Variants in PLCE1 observed in about 807,000 individuals in gnomAD.
PLCE1 encodes the protein 1-phosphatidylinositol 4,5-bisphosphate phosphodiesterase epsilon-1.
PLCE1 carries 119 observed loss-of-function variants against 242.8 expected under a neutral mutation model. The ratio of observed to expected loss-of-function variants is 0.49; its 90% confidence interval spans 0.42 to 0.57. The LOEUF (loss-of-function observed/expected upper bound fraction) is 0.57, where lower values mean the gene tolerates loss of function less well. Ranked by LOEUF, PLCE1 falls within the 20% of genes least tolerant of loss-of-function variation. PLCE1 has a pLI of 0.00. For synonymous variants in PLCE1, 945 were observed against 1,017.4 expected (o/e 0.93, Z 1.35); for missense variants, 2,441 against 2,788.8 (o/e 0.88, Z 2.81).
At chr10:94,160,911 A>G (rs1397955159) in intron 3 of PLCE1, among the ~76,000 whole-genome samples, 1 of 152,168 alleles carries the variant, frequency 6.6e-6, no homozygotes, top group Admixed American at 6.5e-5. Context: ...AAGATCAGAT[A>G]GTTGTAGCTA....
chr10:94,317,733 CT>C (rs1343497403), intron 29 of PLCE1, among the ~76,000 whole-genome samples: 8 of 152,212 alleles, frequency 5.3e-5, no homozygotes, highest in African/African-American at 1.4e-4. Context: ...TGATGAAGCA[CT>C]TTTTTTTTTC....
chr10:94,222,685 C>G (rs4481954), intron 4 of PLCE1, among the ~76,000 whole-genome samples: 55,562 of 152,078 alleles, frequency 0.37, 10,387 homozygotes, highest in East Asian at 0.62. Context: ...GGCCTTCCCA[C>G]CTTCTCTTCC....
At chr10:94,248,532 G>A (rs1473928347) in intron 8 of PLCE1, among the ~76,000 whole-genome samples, 1 of 152,182 alleles carries the variant, frequency 6.6e-6, no homozygotes, top group African/African-American at 2.4e-5. Flanking sequence ...GGAGGTTGCA[G>A]TGAGCCAAGA....
chr10:94,234,885 A>G (rs2137307157), intron 6 of PLCE1, among the ~76,000 whole-genome samples: 1 of 152,292 alleles, frequency 6.6e-6, no homozygotes, highest in Non-Finnish European at 1.5e-5. Context: ...ATTGGAGAGA[A>G]GGGGAGTTGA....
At position 94,279,865 on chromosome 10, in the gene PLCE1, A is replaced by G. The variant is rs1387842331; in HGVS notation, c.4749A>G (p.Glu1583=). Residue 1583 remains glutamate (E), a synonymous_variant, in exon 20 of 33, where the codon GAA becomes GAG. Transcript: ENST00000371380. ...GACCTGCCAATAATGAGGAAGAGGA[A>G]GATGAGGAGGACGAATATGATTATG... is the stretch of plus-strand genomic sequence containing the variant. The part of the protein sequence containing the change: ...NPRPANNEEE[E]DEEDEYDYDY... 1.2e-6 allele frequency: 2 copies of G among 1,613,734 alleles called. No homozygotes were observed. The highest frequency in any genetic ancestry group is 1.7e-6 in the Non-Finnish European group (2 of 1,179,662).
rs2047128204 is a variant in PLCE1 at position 94,146,852 on chromosome 10, AT to A, written c.1492+14397del. 3.9e-5 allele frequency among the ~76,000 whole-genome samples: 6 copies of A among 152,284 alleles called. No individual in the cohort carries two copies. In the South Asian group the frequency reaches 1.2e-3, roughly 32 times the overall value. Reference sequence around the variant, plus strand: ...GAACCTGTAATGTGTACCATACTATATTTTCCCTGCTAATGGTATAGTAAAG... The same window carrying A: ...GAACCTGTAATGTGTACCATACTATATTTCCCTGCTAATGGTATAGTAAAG... On this transcript the variant is annotated intron_variant, in intron 3 of 32. Transcript: ENST00000371380.
chr10:94,089,411 G>A (rs774729175), intron 2 of PLCE1: 15 of 1,502,988 alleles, frequency 1.0e-5, no homozygotes, highest in Non-Finnish European at 1.2e-5. Context: ...ATCCCCCAGT[G>A]TTCTTAATGC....
chr10:94,273,609 T>A lies in PLCE1; in HGVS notation c.4554T>A (p.Asp1518Glu). Residue 1518 changes from aspartate (D) to glutamate (E), a missense_variant, in exon 19 of 33, where the codon GAT becomes GAA. This residue lies in a region of PLCE1 where 1,004 missense variants were observed against 1,322.7 expected (regional missense o/e 0.76). Coordinates refer to ENST00000371380, the MANE Select transcript of PLCE1 (RefSeq NM_016341.4). ...TGACTAAATTCTTATTTGAGACTGA[T>A]TTCTCAGATGATCCAATGCTTCCTT... is the stretch of plus-strand genomic sequence containing the variant. ...KLVTKFLFET[D>E]FSDDPMLPSP... 6.2e-7 allele frequency: 1 copy of A among 1,613,740 alleles called. No homozygotes were observed. The highest frequency in any genetic ancestry group is 8.5e-7 in the Non-Finnish European group (1 of 1,179,670).
At chr10:94,299,805 TTA>T (rs1039211512) in intron 24 of PLCE1, among the ~76,000 whole-genome samples, 2 of 152,240 alleles carry the variant, frequency 1.3e-5, no homozygotes, top group Non-Finnish European at 2.9e-5. Flanking sequence ...TCTGCCCTTG[TTA>T]TATGTGCTTC....
chr10:94,083,143 AGAATCT>A (rs1341310169), intron 2 of PLCE1, among the ~76,000 whole-genome samples: 1 of 152,168 alleles, frequency 6.6e-6, no homozygotes, highest in African/African-American at 2.4e-5. Flanking sequence ...TTCTTGGTCA[AGAATCT>A]GAATGTTGCC....
chr10:94,221,603 C>T (rs994684141), intron 4 of PLCE1, among the ~76,000 whole-genome samples: 8 of 152,232 alleles, frequency 5.3e-5, no homozygotes, highest in Admixed American at 2.0e-4. Context: ...GGTGTGGTGG[C>T]GCATGCCTGT....
intron 3 of PLCE1, among the ~76,000 whole-genome samples, chr10:94,134,429 A>G (rs2046703261): frequency 6.6e-6 from 1 of 152,118 alleles, no homozygotes; most frequent in Admixed American, 6.6e-5. Context: ...AGTTAAACAT[A>G]TTTCTTTAAC....
Position 94,298,702 on chromosome 10 carries a change from G to A in PLCE1, c.5458+33G>A. The stretch of plus-strand genomic sequence containing the variant: ...GCCTGCATGCTCACCTCGCTCCTTT[G>A]CATCTTACATTTCAGTAAATGCAGT... On this transcript the variant is annotated intron_variant, in intron 24 of 32. Transcript: ENST00000371380. The surrounding 1 kb of genome is among the most constrained non-coding windows in gnomAD (Gnocchi z 5.2). 2 of 1,611,288 alleles carry A rather than the reference G, an allele frequency of 1.2e-6. No homozygotes were observed. Among genetic ancestry groups the A allele is most frequent in the Non-Finnish European group, 1.7e-6 (2 of 1,177,618 alleles).
intron 13 of PLCE1, among the ~76,000 whole-genome samples, 190 bp from the exon 14 acceptor site, chr10:94,262,304 A>T (rs2051330154): frequency 6.6e-6 from 1 of 152,080 alleles, no homozygotes; most frequent in African/African-American, 2.4e-5. Context: ...CTCAGCCTTT[A>T]TTTATTCATT....
chr10:94,181,143 C>T (rs1290276807), intron 4 of PLCE1, among the ~76,000 whole-genome samples: 2 of 152,218 alleles, frequency 1.3e-5, no homozygotes, highest in African/African-American at 4.8e-5. Flanking sequence ...CTTCCTTGAA[C>T]AGTAGTTCTC....
At chr10:94,086,344 C>A (rs908931393) in intron 2 of PLCE1, among the ~76,000 whole-genome samples, 1 of 152,152 alleles carries the variant, frequency 6.6e-6, no homozygotes, top group Non-Finnish European at 1.5e-5. Context: ...CCCAGCTTGA[C>A]GACCCATTTT....
intron 1 of PLCE1, among the ~76,000 whole-genome samples, chr10:94,022,415 G>A (rs893272535): frequency 4.7e-4 from 71 of 151,864 alleles, no homozygotes; most frequent in African/African-American, 1.7e-3. Flanking sequence ...ATGTATGTGT[G>A]TGTGTATTCA....
chr10:94,220,710 T>TAAC (rs1290694703), intron 4 of PLCE1, among the ~76,000 whole-genome samples: 1 of 152,066 alleles, frequency 6.6e-6, no homozygotes, highest in Non-Finnish European at 1.5e-5. Flanking sequence ...ATCTATCCCT[T>TAAC]AACTGCACAC....
chr10:94,050,044 G>T (rs983770012), intron 2 of PLCE1, among the ~76,000 whole-genome samples: 5 of 152,080 alleles, frequency 3.3e-5, no homozygotes, highest in Admixed American at 3.3e-4. Context: ...ACCGTTTGGG[G>T]CTTCTATGAA....
Sources: gnomAD v4.1 joint callset for allele counts (sites outside exome capture counted in the v4.1 genomes callset) on GRCh38, gnomAD v4.1.1 for gene constraint, gnomAD v4.1.1 regional missense constraint, Gnocchi (gnomAD v3.1) non-coding constraint, MANE v1.5 for transcripts, NCBI Gene and HGNC (gene_info 2026-07-23, HGNC 2026-07-21) for gene names.